Variants in C12orf42 observed in about 807,000 individuals in gnomAD.
C12orf42 encodes the protein chromosome 12 open reading frame 42, also known as uncharacterized protein C12orf42.
C12orf42 carries 25 observed loss-of-function variants against 21.6 expected under a neutral mutation model. The observed-to-expected ratio is 1.16, with a 90% CI of 0.84 to 1.62. The LOEUF (loss-of-function observed/expected upper bound fraction) is 1.62, where lower values mean the gene tolerates loss of function less well. C12orf42 is among the 40% of genes most tolerant of loss of function. The probability of loss-of-function intolerance (pLI) is 0.00; values close to 1 mark genes in which losing one functional copy is unlikely to be tolerated. For synonymous variants in C12orf42, 174 were observed against 175.0 expected (o/e 0.99, Z 0.05); for missense variants, 483 against 459.3 (o/e 1.05, Z -0.47).
chr12:103,192,818 G>A, the C12orf42 span, among the ~76,000 whole-genome samples: 1 of 152,180 alleles, frequency 6.6e-6, no homozygotes, highest in Non-Finnish European at 1.5e-5. Flanking sequence ...TATCCCCCTT[G>A]AAATAATGGA....
chr12:103,534,071 CTTCAA>C, the C12orf42 span, among the ~76,000 whole-genome samples: 1 of 152,222 alleles, frequency 6.6e-6, no homozygotes, highest in Non-Finnish European at 1.5e-5. Context: ...AAATTAAATT[CTTCAA>C]TTCAATCAAC....
intron 4 of C12orf42, among the ~76,000 whole-genome samples, chr12:103,319,679 A>G (rs2039890757): frequency 6.6e-6 from 1 of 152,270 alleles, no homozygotes; most frequent in Non-Finnish European, 1.5e-5. Flanking sequence ...AGATTGCCCT[A>G]TGGCCGTCTG....
the C12orf42 span, among the ~76,000 whole-genome samples, chr12:103,199,134 A>G: frequency 6.6e-6 from 1 of 152,232 alleles, no homozygotes; most frequent in South Asian, 2.1e-4. Context: ...ATGGGACAGA[A>G]TAGAGACCAC....
the C12orf42 span, among the ~76,000 whole-genome samples, chr12:103,216,035 G>A: frequency 1.0e-3 from 159 of 152,272 alleles, 1 homozygote; most frequent in South Asian, 7.5e-3. Context: ...CTAATTTCTC[G>A]AAGGGAGAGT....
chr12:103,300,661 T>C (rs2037588720), downstream of C12orf42, among the ~76,000 whole-genome samples: 1 of 152,204 alleles, frequency 6.6e-6, no homozygotes, highest in Admixed American at 6.5e-5. Flanking sequence ...ACTAAAAAAA[T>C]CAGTTGTGTT....
chr12:103,285,983 C>T (rs938732941), intron 4 of C12orf42, among the ~76,000 whole-genome samples: 4 of 152,158 alleles, frequency 2.6e-5, no homozygotes, highest in African/African-American at 7.2e-5. Flanking sequence ...TGGTGGCTCA[C>T]GCCTGTAATC....
At chr12:103,228,752 C>G in the C12orf42 span, among the ~76,000 whole-genome samples, 1 of 151,902 alleles carries the variant, frequency 6.6e-6, no homozygotes. Context: ...AGAGCAATTT[C>G]TCCTGTCTCT....
At chr12:103,142,350 GCTT>G in the C12orf42 span, among the ~76,000 whole-genome samples, 1 of 152,128 alleles carries the variant, frequency 6.6e-6, no homozygotes, top group Non-Finnish European at 1.5e-5. Context: ...CTCACAAGCT[GCTT>G]CTTACAGATA....
intron 4 of C12orf42, among the ~76,000 whole-genome samples, chr12:103,321,726 G>A (rs2040147762): frequency 6.8e-6 from 1 of 147,710 alleles, no homozygotes; most frequent in East Asian, 2.0e-4. Context: ...GGACATGGAT[G>A]AAATTGGAAA....
intron 4 of C12orf42, among the ~76,000 whole-genome samples, chr12:103,282,760 G>A (rs2036215476): frequency 1.3e-5 from 2 of 152,308 alleles, no homozygotes; most frequent in South Asian, 4.1e-4. Flanking sequence ...TGTCTTTAAG[G>A]TCAACACCTG....
chr12:103,281,962 A>AGAAAGAAAG, intron 4 of C12orf42, among the ~76,000 whole-genome samples: 1 of 151,676 alleles, frequency 6.6e-6, no homozygotes, highest in South Asian at 2.1e-4. Context: ...AAAGAAAGAA[A>AGAAAGAAAG]GAGATCGATC....
At chr12:103,460,009 C>T (rs1952580898) in intron 2 of C12orf42, among the ~76,000 whole-genome samples, 1 of 152,158 alleles carries the variant, frequency 6.6e-6, no homozygotes, top group African/African-American at 2.4e-5. Context: ...CCTTTACTGC[C>T]ATCCCCATCT....
At chr12:103,300,810 A>T (rs2037597599), downstream of C12orf42, among the ~76,000 whole-genome samples, 1 of 152,236 alleles carries the variant, frequency 6.6e-6, no homozygotes, top group Non-Finnish European at 1.5e-5. Flanking sequence ...TGGTAAGCAG[A>T]TGCCATTATA....
chr12:103,114,945 A>T, the C12orf42 span, among the ~76,000 whole-genome samples: 2 of 152,178 alleles, frequency 1.3e-5, no homozygotes, highest in South Asian at 4.1e-4. Context: ...ACGCCCAAAC[A>T]ACTAATGAGT....
intron 10 of C12orf42, among the ~76,000 whole-genome samples, chr12:103,255,402 G>A (rs1261768324): frequency 6.6e-6 from 1 of 151,994 alleles, no homozygotes; most frequent in Non-Finnish European, 1.5e-5. Context: ...AAAAATGTGT[G>A]TGTGTATGTA....
intron 3 of C12orf42, among the ~76,000 whole-genome samples, chr12:103,387,630 A>G (rs2046724344): frequency 6.6e-6 from 1 of 152,184 alleles, no homozygotes; most frequent in Non-Finnish European, 1.5e-5. Flanking sequence ...TCTTCTACCC[A>G]TTGTACATTT....
chr12:103,466,418 C>T (rs1166969219), intron 2 of C12orf42, among the ~76,000 whole-genome samples: 1 of 152,132 alleles, frequency 6.6e-6, no homozygotes, highest in Non-Finnish European at 1.5e-5. Context: ...TGATCCATCC[C>T]TCACTCCTCA....
At chr12:103,209,115 G>A in the C12orf42 span, among the ~76,000 whole-genome samples, 1 of 152,108 alleles carries the variant, frequency 6.6e-6, no homozygotes, top group East Asian at 1.9e-4. Flanking sequence ...AATGTGGTTT[G>A]GGAGTGAGGT....
downstream of C12orf42, among the ~76,000 whole-genome samples, chr12:103,264,270 C>T (rs999614171): frequency 3.9e-5 from 6 of 152,060 alleles, no homozygotes; most frequent in African/African-American, 1.4e-4. Context: ...AGTACTGTGG[C>T]TGTAAAACAA....
Sources: gnomAD v4.1 joint callset for allele counts (sites outside exome capture counted in the v4.1 genomes callset) on GRCh38, gnomAD v4.1.1 for gene constraint, MANE v1.5 for transcripts, NCBI Gene and HGNC (gene_info 2026-07-23, HGNC 2026-07-21) for gene names.